The following PTPRD variants were observed in gnomAD, a reference collection of about 807,000 sequenced individuals.
PTPRD encodes the protein protein tyrosine phosphatase receptor type D, also known as receptor-type tyrosine-protein phosphatase delta.
Under a neutral mutation model 214.5 loss-of-function variants are expected in PTPRD, and 34 were observed. That is an observed-to-expected ratio of 0.16 (90% confidence interval 0.12 to 0.21). PTPRD has a LOEUF of 0.21. Among genes scored for constraint, PTPRD ranks in the 10% least tolerant of loss-of-function variants. The probability of loss-of-function intolerance (pLI) is 1.00; values close to 1 mark genes in which losing one functional copy is unlikely to be tolerated. For missense variants in PTPRD, 2,545 were observed against 2,398.7 expected, an observed-to-expected ratio of 1.06 and a Z score of -1.27; for synonymous variants, 1,128 against 845.7, an observed-to-expected ratio of 1.33 and a Z score of -5.79.
intron 5 of PTPRD, among the ~76,000 whole-genome samples, chr9:9,879,747 C>G (rs1330026218): frequency 6.6e-6 from 1 of 152,112 alleles, no homozygotes; most frequent in Non-Finnish European, 1.5e-5. Flanking sequence ...AGATCATCCC[C>G]AGAGATAAGA....
At chr9:8,927,321 C>T (rs2098907054) in intron 11 of PTPRD, among the ~76,000 whole-genome samples, 1 of 152,038 alleles carries the variant, frequency 6.6e-6, no homozygotes, top group Non-Finnish European at 1.5e-5. Flanking sequence ...GTGCTGCACC[C>T]ATCAACCCAT....
At chr9:8,400,316 T>C (rs1483972661) in intron 36 of PTPRD, among the ~76,000 whole-genome samples, 1 of 152,180 alleles carries the variant, frequency 6.6e-6, no homozygotes, top group African/African-American at 2.4e-5. Flanking sequence ...TAAAGATACA[T>C]ACAACAATAT....
At chr9:10,376,022 C>A (rs550518192) in intron 2 of PTPRD, among the ~76,000 whole-genome samples, 4 of 151,894 alleles carry the variant, frequency 2.6e-5, no homozygotes, top group African/African-American at 9.7e-5. Flanking sequence ...CTTATTCACA[C>A]GATATTTTTA....
intron 14 of PTPRD, among the ~76,000 whole-genome samples, chr9:8,584,149 G>C (rs1381347984): frequency 6.6e-6 from 1 of 152,048 alleles, no homozygotes; most frequent in Non-Finnish European, 1.5e-5. Context: ...GTGAGATCCT[G>C]TCTCAAAATT....
intron 3 of PTPRD, among the ~76,000 whole-genome samples, chr9:10,243,193 C>A (rs1431695136): frequency 1.3e-5 from 2 of 151,906 alleles, no homozygotes; most frequent in Non-Finnish European, 2.9e-5. Context: ...TTGCTTATTT[C>A]TATCTGAAGT....
At chr9:8,438,107 T>G (rs2095421600) in intron 34 of PTPRD, among the ~76,000 whole-genome samples, 1 of 152,202 alleles carries the variant, frequency 6.6e-6, no homozygotes. Context: ...GCTGTCACTG[T>G]GGCTCTTTGG....
chr9:10,432,228 T>C (rs1208483885), intron 2 of PTPRD, among the ~76,000 whole-genome samples: 2 of 137,074 alleles, frequency 1.5e-5, no homozygotes, highest in Non-Finnish European at 3.0e-5. Flanking sequence ...TAGGCGGGAA[T>C]TGAACAATGA....
At chr9:9,699,188 C>T (rs539770689) in intron 7 of PTPRD, among the ~76,000 whole-genome samples, 2 of 152,134 alleles carry the variant, frequency 1.3e-5, no homozygotes, top group East Asian at 1.9e-4. Context: ...CTGGTACTTA[C>T]ATTTCAGTCA....
At chr9:10,430,877 G>A (rs12001774) in intron 2 of PTPRD, among the ~76,000 whole-genome samples, 18 of 151,944 alleles carry the variant, frequency 1.2e-4, no homozygotes, top group Non-Finnish European at 2.2e-4. Flanking sequence ...AACACTTAGT[G>A]ATAAAGAAAA....
chr9:8,851,764 G>A (rs903406096), intron 11 of PTPRD, among the ~76,000 whole-genome samples: 1 of 152,026 alleles, frequency 6.6e-6, no homozygotes, highest in Non-Finnish European at 1.5e-5. Context: ...TTTTACAGAT[G>A]ATGAAACTAA....
intron 12 of PTPRD, among the ~76,000 whole-genome samples, chr9:8,684,088 C>T (rs1011926718): frequency 2.6e-5 from 4 of 151,846 alleles, no homozygotes; most frequent in Non-Finnish European, 4.4e-5. Context: ...GGTGGAGCAG[C>T]GAAAAGTCAT....
Position 9,758,414 on chromosome 9 carries a change from G to A in PTPRD, c.-326+8396C>T, listed in dbSNP as rs117459957. On this transcript the variant is annotated intron_variant, in intron 6 of 45. Coordinates refer to ENST00000381196, the MANE Select transcript of PTPRD (RefSeq NM_002839.4). ...GGTGGCTGATGAGGGGTAGGGATGGGTAGGAGAAGGTCAAACCTCAGCCAG... is the reference window on the plus strand; with the variant it reads ...GGTGGCTGATGAGGGGTAGGGATGGATAGGAGAAGGTCAAACCTCAGCCAG... Among the ~76,000 whole-genome samples the A allele has an allele frequency of 2.5e-4, 38 of 152,194 alleles. No homozygotes were observed. In the East Asian group the frequency reaches 5.4e-3, roughly 22 times the overall value.
chr9:10,374,525 T>C (rs903461135), intron 2 of PTPRD, among the ~76,000 whole-genome samples: 1 of 152,000 alleles, frequency 6.6e-6, no homozygotes, highest in Non-Finnish European at 1.5e-5. Flanking sequence ...TTCCTGATCA[T>C]AGGAGCCACA....
At chr9:8,500,539 C>T (rs112643920) in intron 24 of PTPRD, among the ~76,000 whole-genome samples, 905 of 64,746 alleles carry the variant, frequency 0.014, 17 homozygotes, top group African/African-American at 0.05. Flanking sequence ...CAAATTACTG[C>T]ATTGAGATTG....
chr9:9,334,703 T>G (rs1264134061), intron 9 of PTPRD, among the ~76,000 whole-genome samples: 2 of 151,936 alleles, frequency 1.3e-5, no homozygotes, highest in African/African-American at 4.8e-5. Flanking sequence ...CTGACCACAT[T>G]GCCTGGTACA....
At chr9:10,045,484 C>T (rs2097371657) in intron 3 of PTPRD, among the ~76,000 whole-genome samples, 1 of 151,496 alleles carries the variant, frequency 6.6e-6, no homozygotes, top group African/African-American at 2.4e-5. Flanking sequence ...TTTAAAACAA[C>T]AAATGTGACC....
chr9:8,929,086 G>C (rs1588202469), intron 11 of PTPRD, among the ~76,000 whole-genome samples: 1 of 152,022 alleles, frequency 6.6e-6, no homozygotes, highest in Non-Finnish European at 1.5e-5. Context: ...CAGAAATTTT[G>C]GGCTGAGACG....
Position 9,244,034 on chromosome 9 carries a change from C to G in PTPRD, c.-202-60671G>C, listed in dbSNP as rs142270886. Among the ~76,000 whole-genome samples, 1,148 of 152,250 alleles carry G rather than the reference C, an allele frequency of 7.5e-3. 15 individuals are homozygous for G. The highest frequency in any genetic ancestry group is 0.011 in the Non-Finnish European group (742 of 68,024). On this transcript the variant is annotated intron_variant, in intron 9 of 45. Coordinates refer to ENST00000381196, the MANE Select transcript of PTPRD (RefSeq NM_002839.4). ...CAAATCATGAGTGAACTCCCATTCA[C>G]AATTGCTTCAAAGAGAATAAAATAC...
At chr9:9,812,969 T>C (rs2047613322) in intron 5 of PTPRD, among the ~76,000 whole-genome samples, 1 of 152,028 alleles carries the variant, frequency 6.6e-6, no homozygotes, top group Admixed American at 6.6e-5. Flanking sequence ...TTGGTATCAA[T>C]CCAGTGGTAA....
Sources: gnomAD v4.1 joint callset for allele counts (sites outside exome capture counted in the v4.1 genomes callset) on GRCh38, gnomAD v4.1.1 for gene constraint, MANE v1.5 for transcripts, NCBI Gene and HGNC (gene_info 2026-07-23, HGNC 2026-07-21) for gene names.